Variants in SORCS3 observed in about 807,000 individuals in gnomAD.
The protein encoded by SORCS3 is VPS10 domain-containing receptor SorCS3.
SORCS3 carries 57 observed loss-of-function variants against 146.3 expected under a neutral mutation model. The observed-to-expected ratio is 0.39, with a 90% CI of 0.31 to 0.49. SORCS3 has a LOEUF of 0.49. Ranked by LOEUF, SORCS3 falls within the 20% of genes least tolerant of loss-of-function variation. The pLI is 0.92. For synonymous variants in SORCS3, 653 were observed against 618.5 expected (o/e 1.06, Z -0.83); for missense variants, 1,341 against 1,575.5 (o/e 0.85, Z 2.52).
chr10:104,742,190 G>T (rs559376618), intron 1 of SORCS3, among the ~76,000 whole-genome samples: 2 of 152,242 alleles, frequency 1.3e-5, no homozygotes, highest in African/African-American at 4.8e-5. Flanking sequence ...GAGGTTCCTT[G>T]CTACTGCTGG....
At chr10:104,856,633 C>A in intron 2 of SORCS3, among the ~76,000 whole-genome samples, 1 of 144,514 alleles carries the variant, frequency 6.9e-6, no homozygotes, top group African/African-American at 2.5e-5. Context: ...TAAATATAAA[C>A]AATTAGAGGC....
chr10:105,043,250 C>A, intron 5 of SORCS3, 122 bp downstream of exon 5: 1 of 835,492 alleles, frequency 1.2e-6, no homozygotes, highest in Non-Finnish European at 2.0e-6. Context: ...CTTTGCTACA[C>A]AGAGTGGTTT....
chr10:104,841,662 A>T (rs1416706060), intron 1 of SORCS3, among the ~76,000 whole-genome samples: 1 of 152,124 alleles, frequency 6.6e-6, no homozygotes, highest in South Asian at 2.1e-4. Context: ...ATAATGGCTG[A>T]TTATTTTTCT....
intron 2 of SORCS3, among the ~76,000 whole-genome samples, chr10:104,856,337 T>C: frequency 6.6e-6 from 1 of 150,426 alleles, no homozygotes; most frequent in Non-Finnish European, 1.5e-5. Flanking sequence ...AAATTAGAGG[T>C]ATATATTTAT....
intron 4 of SORCS3, among the ~76,000 whole-genome samples, chr10:105,012,708 A>G (rs1246865339): frequency 1.3e-5 from 2 of 152,146 alleles, no homozygotes; most frequent in African/African-American, 2.4e-5. Context: ...GCGTAAGTAA[A>G]TTATCATCTC....
At chr10:104,726,510 C>A (rs143457707) in intron 1 of SORCS3, among the ~76,000 whole-genome samples, 1 of 152,112 alleles carries the variant, frequency 6.6e-6, no homozygotes, top group Non-Finnish European at 1.5e-5. Flanking sequence ...ACCCCAGGAC[C>A]AACCCAAGCT....
chr10:104,947,428 T>G (rs1399754102), intron 3 of SORCS3, among the ~76,000 whole-genome samples: 1 of 152,104 alleles, frequency 6.6e-6, no homozygotes, highest in African/African-American at 2.4e-5. Context: ...AGCTTCATTC[T>G]CTTTCCTCTT....
At chr10:104,792,401 G>A (rs542374482) in intron 1 of SORCS3, among the ~76,000 whole-genome samples, 4 of 152,260 alleles carry the variant, frequency 2.6e-5, no homozygotes, top group South Asian at 4.2e-4. Flanking sequence ...TCATTCTTCA[G>A]AACCACATTG....
chr10:105,120,150 A>T lies in SORCS3; in HGVS notation c.1212+14635A>T, dbSNP rs564437995. ...TGTTCTTGTGAGAGTGAGTTCTCAC[A>T]AGATCTGATGGTTTTATAGAGGCTT... On this transcript the variant is annotated intron_variant, in intron 7 of 26. Coordinates refer to ENST00000369701, the MANE Select transcript of SORCS3 (RefSeq NM_014978.3). Among the ~76,000 whole-genome samples the T allele has an allele frequency of 4.6e-5, 7 of 152,214 alleles. No individual in the cohort carries two copies. In the East Asian group the frequency reaches 1.4e-3, roughly 29 times the overall value.
intron 7 of SORCS3, among the ~76,000 whole-genome samples, chr10:105,127,077 G>A (rs773129521): frequency 2.0e-5 from 3 of 152,074 alleles, no homozygotes; most frequent in African/African-American, 4.8e-5. Flanking sequence ...TGGAATGGTG[G>A]CCGGTATCCA....
intron 7 of SORCS3, among the ~76,000 whole-genome samples, chr10:105,113,815 C>A (rs2055874550): frequency 1.3e-5 from 2 of 152,024 alleles, no homozygotes; most frequent in South Asian, 4.1e-4. Context: ...GTAGCAAAAT[C>A]AAAAGAAGCT....
chr10:104,956,438 T>G (rs1387914427), intron 3 of SORCS3, among the ~76,000 whole-genome samples: 3 of 152,222 alleles, frequency 2.0e-5, no homozygotes, highest in Non-Finnish European at 2.9e-5. Context: ...GTGTTTGCGC[T>G]CATCTCATTT....
chr10:105,201,512 C>T (rs1447790932), intron 16 of SORCS3, among the ~76,000 whole-genome samples: 3 of 152,166 alleles, frequency 2.0e-5, no homozygotes, highest in African/African-American at 7.2e-5. Context: ...TTCTTCTCAT[C>T]TACACTGAGC....
In SORCS3 at chr10:105,105,452, G is replaced by A. The variant is rs2055814171; in HGVS notation, c.1149G>A (p.Gly383=). ...IQECAETTRS[G]PFARSIDISS... ...AATGTGCCGAGACAACTAGAAGTGG[G>A]CCTTTTGCCCGCTCCATTGACATCA... The change falls in exon 7 of 27, where the codon GGG becomes GGA. Residue 383 remains glycine (G), a synonymous_variant. Transcript: ENST00000369701. 1.9e-6 allele frequency: 3 copies of A among 1,613,778 alleles called. No homozygotes were observed. Among genetic ancestry groups the A allele is most frequent in the Non-Finnish European group, 2.5e-6 (3 of 1,179,750 alleles).
intron 1 of SORCS3, among the ~76,000 whole-genome samples, chr10:104,831,447 G>C (rs1457617755): frequency 6.6e-6 from 1 of 152,184 alleles, no homozygotes; most frequent in Non-Finnish European, 1.5e-5. Flanking sequence ...TCCCACAAGG[G>C]AGTGCCCCAA....
chr10:104,811,986 T>C (rs1458840282), intron 1 of SORCS3, among the ~76,000 whole-genome samples: 1 of 152,112 alleles, frequency 6.6e-6, no homozygotes. Context: ...CCCATACATT[T>C]ATATAAACAA....
chr10:104,835,394 G>A (rs759524646), intron 1 of SORCS3, among the ~76,000 whole-genome samples: 3 of 152,222 alleles, frequency 2.0e-5, no homozygotes, highest in African/African-American at 4.8e-5. Flanking sequence ...GTCTAGGCAG[G>A]AGTGAGGTCA....
chr10:105,009,838 A>G (rs1467675839), intron 4 of SORCS3, among the ~76,000 whole-genome samples: 1 of 151,982 alleles, frequency 6.6e-6, no homozygotes, highest in African/African-American at 2.4e-5. Context: ...AAAACTTGCC[A>G]TTCTTTTAGA....
chr10:104,982,351 C>G (rs2054935905), intron 4 of SORCS3, among the ~76,000 whole-genome samples: 1 of 152,158 alleles, frequency 6.6e-6, no homozygotes, highest in Admixed American at 6.5e-5. Flanking sequence ...CATTTATATT[C>G]TCATTTAAAA....
Sources: allele counts gnomAD v4.1 joint callset (sites outside exome capture counted in the v4.1 genomes callset), GRCh38; gene constraint gnomAD v4.1.1; transcripts MANE v1.5; gene names NCBI Gene and HGNC (gene_info 2026-07-23, HGNC 2026-07-21).